Variants in LDLRAD4 observed in about 807,000 individuals in gnomAD.
LDLRAD4 encodes the protein low-density lipoprotein receptor class A domain-containing protein 4.
LDLRAD4 carries 5 observed loss-of-function variants against 17.0 expected under a neutral mutation model. That is an observed-to-expected ratio of 0.29 (90% confidence interval 0.15 to 0.62). The LOEUF (loss-of-function observed/expected upper bound fraction) is 0.62. Among genes scored for constraint, LDLRAD4 ranks in the 20% least tolerant of loss-of-function variants. LDLRAD4 has a pLI of 0.84. For synonymous variants in LDLRAD4, 168 were observed against 171.8 expected (o/e 0.98, Z 0.17); for missense variants, 340 against 424.7 (o/e 0.80, Z 1.75).
intron 3 of LDLRAD4, among the ~76,000 whole-genome samples, chr18:13,459,261 C>T (rs2092309318): frequency 6.6e-6 from 1 of 150,712 alleles, no homozygotes; most frequent in African/African-American, 2.4e-5. Flanking sequence ...TCACTTGAGC[C>T]TAGGAGCTTG....
At chr18:13,550,634 C>T (rs145536170) in intron 3 of LDLRAD4, among the ~76,000 whole-genome samples, 221 of 152,352 alleles carry the variant, frequency 1.5e-3, no homozygotes, top group African/African-American at 5.0e-3. Flanking sequence ...GCCGAGCAGC[C>T]TTCCACAGTG....
At chr18:13,474,703 TAG>T (rs911069931) in intron 3 of LDLRAD4, among the ~76,000 whole-genome samples, 3 of 152,036 alleles carry the variant, frequency 2.0e-5, no homozygotes, top group African/African-American at 7.3e-5. Flanking sequence ...ACTCCAGAAG[TAG>T]AGTTGATTCT....
intron 1 of LDLRAD4, among the ~76,000 whole-genome samples, chr18:13,368,295 A>G (rs1452951118): frequency 6.6e-6 from 1 of 151,992 alleles, no homozygotes; most frequent in African/African-American, 2.4e-5. Context: ...AAGGAACAAG[A>G]GAGGAAGAAC....
At chr18:13,462,741 G>C (rs1295031554) in intron 3 of LDLRAD4, among the ~76,000 whole-genome samples, 1 of 152,158 alleles carries the variant, frequency 6.6e-6, no homozygotes, top group African/African-American at 2.4e-5. Flanking sequence ...TGGCTGTCAC[G>C]GGCGGAGCAG....
intron 3 of LDLRAD4, among the ~76,000 whole-genome samples, chr18:13,477,436 C>G (rs535398015): frequency 1.3e-5 from 2 of 152,296 alleles, no homozygotes; most frequent in Admixed American, 6.5e-5. Flanking sequence ...GAAGAGCCCT[C>G]CCACCTGCCT....
At chr18:13,631,874 C>G (rs1433593486) in intron 4 of LDLRAD4, among the ~76,000 whole-genome samples, 1 of 152,114 alleles carries the variant, frequency 6.6e-6, no homozygotes, top group African/African-American at 2.4e-5. Flanking sequence ...TTGCAGTGAC[C>G]TGAGATCGTG....
chr18:13,365,077 T>C (rs1010903613), intron 1 of LDLRAD4, among the ~76,000 whole-genome samples: 1 of 152,116 alleles, frequency 6.6e-6, no homozygotes, highest in African/African-American at 2.4e-5. Flanking sequence ...GTGGGAGTGA[T>C]GGAGGGAGAC....
chr18:13,435,556 C>T (rs1453355560), intron 2 of LDLRAD4, among the ~76,000 whole-genome samples: 1 of 152,224 alleles, frequency 6.6e-6, no homozygotes, highest in African/African-American at 2.4e-5. Context: ...AAACGATCCT[C>T]TTGCCTTAGC....
In LDLRAD4 at chr18:13,367,290, C is replaced by T. The variant is rs2084126978; in HGVS notation, c.-382-20051C>T. On this transcript the variant is annotated intron_variant, in intron 1 of 5. Coordinates refer to ENST00000359446, the Ensembl canonical transcript of LDLRAD4. This position sits in a 1 kb window ranked among gnomAD's most constrained non-coding sequence, Gnocchi z 4.1. The stretch of plus-strand genomic sequence containing the variant: ...CACAGAGTCAGAACCGCTGTGGCAG[C>T]GTGAGGGAGTTTTGTCAGGTGGTGT... Among the ~76,000 whole-genome samples, 1 of 152,076 alleles carries T rather than the reference C, an allele frequency of 6.6e-6. No homozygotes were observed. Among genetic ancestry groups the T allele is most frequent in the African/African-American group, 2.4e-5 (1 of 41,410 alleles).
At chr18:13,564,891 C>G (rs896463500) in intron 3 of LDLRAD4, 7 of 152,232 alleles carry the variant, frequency 4.6e-5, no homozygotes, top group African/African-American at 1.7e-4. Context: ...TGCTTTCTGT[C>G]CATACCTCCT....
chr18:13,255,822 G>A (rs1010501446), intron 1 of LDLRAD4, among the ~76,000 whole-genome samples: 13 of 152,164 alleles, frequency 8.5e-5, no homozygotes, highest in Admixed American at 3.9e-4. Context: ...GATGTGGTGC[G>A]TCTGAATTTC....
intron 3 of LDLRAD4, among the ~76,000 whole-genome samples, chr18:13,535,359 A>G (rs2147875396): frequency 6.6e-6 from 1 of 152,234 alleles, no homozygotes; most frequent in African/African-American, 2.4e-5. Flanking sequence ...ACCTTTAGTC[A>G]TTCTGGTGGT....
At chr18:13,597,107 G>T (rs2095105173) in intron 3 of LDLRAD4, among the ~76,000 whole-genome samples, 1 of 152,138 alleles carries the variant, frequency 6.6e-6, no homozygotes, top group Admixed American at 6.5e-5. Context: ...GAGTCTACTA[G>T]CAACAGTCTT....
chr18:13,413,592 A>G (rs2088577865), intron 2 of LDLRAD4, among the ~76,000 whole-genome samples: 1 of 152,234 alleles, frequency 6.6e-6, no homozygotes, highest in Non-Finnish European at 1.5e-5. Context: ...AAAAGGGATA[A>G]TGTCTTCAAT....
At chr18:13,358,785 C>T (rs1464421381) in intron 1 of LDLRAD4, among the ~76,000 whole-genome samples, 3 of 152,078 alleles carry the variant, frequency 2.0e-5, no homozygotes, top group Non-Finnish European at 4.4e-5. Flanking sequence ...ATATTTCCAG[C>T]TGGAAATAAT....
In LDLRAD4 at chr18:13,387,106, C is replaced by T. The variant is rs563368073; in HGVS notation, c.-382-235C>T. 3.9e-5 allele frequency among the ~76,000 whole-genome samples: 6 copies of T among 152,306 alleles called. No individual in the cohort carries two copies. In the South Asian group the frequency reaches 8.3e-4, roughly 21 times the overall value. ...CAGCTTGAGAAATGAGTTTCTTCCC[C>T]GAGGTGTCTGTGAGGGCAGAATGGC... On this transcript the variant is annotated intron_variant, in intron 1 of 5. Coordinates refer to ENST00000359446, the Ensembl canonical transcript of LDLRAD4.
intron 3 of LDLRAD4, among the ~76,000 whole-genome samples, chr18:13,503,127 A>G (rs960220306): frequency 6.6e-6 from 1 of 152,234 alleles, no homozygotes. Context: ...GTTGTGTGAT[A>G]AAACGTTTAA....
chr18:13,341,199 G>A (rs1361041401), intron 1 of LDLRAD4, among the ~76,000 whole-genome samples: 1 of 151,156 alleles, frequency 6.6e-6, no homozygotes, highest in Non-Finnish European at 1.5e-5. Flanking sequence ...CCCTAAAATT[G>A]TTTTGGCTAT....
intron 3 of LDLRAD4, among the ~76,000 whole-genome samples, chr18:13,571,829 G>A (rs539387335): frequency 4.7e-4 from 72 of 152,216 alleles, no homozygotes; most frequent in African/African-American, 1.7e-3. Context: ...GTAGAGACGA[G>A]GTTTCACCGT....
Sources: allele counts gnomAD v4.1 joint callset (sites outside exome capture counted in the v4.1 genomes callset), GRCh38; gene constraint gnomAD v4.1.1; non-coding constraint Gnocchi (gnomAD v3.1); transcripts MANE v1.5; gene names NCBI Gene and HGNC (gene_info 2026-07-23, HGNC 2026-07-21).